The following CCDC14 variants were observed in gnomAD, a reference collection of about 807,000 sequenced individuals.
CCDC14 encodes the protein coiled-coil domain-containing protein 14.
A neutral mutation model predicts 81.4 loss-of-function variants in CCDC14; 71 were observed. That is an observed-to-expected ratio of 0.87 (90% CI 0.72 to 1.06). The LOEUF (loss-of-function observed/expected upper bound fraction) is 1.06, where lower values mean the gene tolerates loss of function less well. CCDC14 is among the 50% of genes least tolerant of loss of function. CCDC14 has a pLI of 0.00. For synonymous variants in CCDC14, 332 were observed against 364.8 expected (o/e 0.91, Z 1.03); for missense variants, 1,046 against 1,047.3 (o/e 1.00, Z 0.02).
At chr3:123,960,336 C>A (rs1330597378) in intron 1 of CCDC14, among the ~76,000 whole-genome samples, 4 of 152,080 alleles carry the variant, frequency 2.6e-5, no homozygotes, top group Admixed American at 2.0e-4. Flanking sequence ...GAGGTGGGAA[C>A]CTAAATTTCA....
intron 5 of CCDC14, among the ~76,000 whole-genome samples, chr3:123,900,497 A>G (rs1185675634): frequency 6.6e-6 from 1 of 152,234 alleles, no homozygotes; most frequent in Non-Finnish European, 1.5e-5. Context: ...AAAGGTGTAT[A>G]TCCACTTTTC....
At chr3:123,905,040 T>C (rs2034277259) in intron 5 of CCDC14, among the ~76,000 whole-genome samples, 1 of 151,912 alleles carries the variant, frequency 6.6e-6, no homozygotes, top group Non-Finnish European at 1.5e-5. Context: ...GACCCACAGA[T>C]AAAGGGGAAC....
chr3:123,960,090 A>C (rs1347005165), intron 1 of CCDC14, among the ~76,000 whole-genome samples: 1 of 152,238 alleles, frequency 6.6e-6, no homozygotes, highest in Non-Finnish European at 1.5e-5. Flanking sequence ...GCTGCTCTCC[A>C]AAAGGAGTGT....
At chr3:123,926,768 A>G (rs1379110479) in intron 12 of CCDC14, among the ~76,000 whole-genome samples, 1 of 152,018 alleles carries the variant, frequency 6.6e-6, no homozygotes, top group Non-Finnish European at 1.5e-5. Context: ...TTTCAGTCCC[A>G]TTACTCCTCC....
At chr3:123,936,103 T>C (rs2036041159) in intron 9 of CCDC14, among the ~76,000 whole-genome samples, 2 of 152,132 alleles carry the variant, frequency 1.3e-5, no homozygotes, top group Non-Finnish European at 2.9e-5. Context: ...CCAAGAAACA[T>C]ATTAAAACTC....
chr3:123,957,416 T>C (rs773441959), intron 1 of CCDC14: 2 of 152,096 alleles, frequency 1.3e-5, no homozygotes, highest in Admixed American at 6.5e-5. Flanking sequence ...ATTCATGATA[T>C]AGGACAGAGT....
intron 9 of CCDC14, among the ~76,000 whole-genome samples, chr3:123,934,523 T>C (rs1283805798): frequency 6.6e-6 from 1 of 152,128 alleles, no homozygotes; most frequent in African/African-American, 2.4e-5. Flanking sequence ...ATGTTTGTCA[T>C]ATGCTGAAAC....
chr3:123,903,538 C>T (rs141131796), intron 5 of CCDC14, among the ~76,000 whole-genome samples: 3 of 152,236 alleles, frequency 2.0e-5, no homozygotes, highest in African/African-American at 7.2e-5. Flanking sequence ...GCAGTAGACA[C>T]ACACATGAGG....
chr3:123,950,036 AAT>A (rs1445548361), intron 5 of CCDC14, among the ~76,000 whole-genome samples: 1 of 152,220 alleles, frequency 6.6e-6, no homozygotes, highest in African/African-American at 2.4e-5. Flanking sequence ...TTAACAAAGT[AAT>A]AAGTAAAAAA....
At chr3:123,943,244 T>C (rs1339259061) in intron 9 of CCDC14, among the ~76,000 whole-genome samples, 1 of 152,058 alleles carries the variant, frequency 6.6e-6, no homozygotes, top group Non-Finnish European at 1.5e-5. Context: ...ACATACCTTT[T>C]ATTAAAATAT....
intron 12 of CCDC14, among the ~76,000 whole-genome samples, chr3:123,918,111 T>A (rs1242720885): frequency 6.6e-6 from 1 of 152,160 alleles, no homozygotes. Context: ...TTCTAAAAAG[T>A]AGTCACACAC....
chr3:123,919,632 A>G (rs971139871), intron 12 of CCDC14, among the ~76,000 whole-genome samples: 4 of 152,200 alleles, frequency 2.6e-5, no homozygotes, highest in African/African-American at 7.2e-5. Context: ...AGTACAGTCA[A>G]TAGCTCCACT....
chr3:123,949,107 T>C lies in CCDC14; in HGVS notation c.378A>G (p.Ile126Met), dbSNP rs201360999. The change falls in exon 6 of 13, where the codon ATA becomes ATG. Residue 126 changes from isoleucine to methionine, a missense_variant. Transcript: ENST00000409697. ...CACTTCTAGCAGAAGCTTCATTAGG[T>C]ATCTGTTTCTTATTATCTGAAGATG... ...ETSSSDNKKQ[I>M]PNEASARSER... The C allele has an allele frequency of 1.6e-4, 250 of 1,605,042 alleles. 1 individual carries two copies. The East Asian group carries it at 4.8e-3, about 31-fold the overall frequency.
At chr3:123,959,012 G>T (rs964438766) in intron 1 of CCDC14, 7 of 152,118 alleles carry the variant, frequency 4.6e-5, no homozygotes, top group African/African-American at 1.7e-4. Context: ...TCCATTGTAT[G>T]TATATACCAT....
At chr3:123,927,020 T>C (rs146181742) in intron 12 of CCDC14, among the ~76,000 whole-genome samples, 71 of 152,264 alleles carry the variant, frequency 4.7e-4, no homozygotes, top group Non-Finnish European at 6.5e-4. Flanking sequence ...TCCTAACCAA[T>C]TGAATTGCAT....
Position 123,913,425 on chromosome 3 carries a change from T to C in CCDC14, c.*1354A>G. On this transcript the variant is annotated 3_prime_UTR_variant, in exon 13 of 13. Transcript: ENST00000409697. Reference sequence around the variant, plus strand: ...TGGGAGTAGACAGATGACACAATTTTTTTCCTTTTTTATTATTTTTTATTT... The same window carrying C: ...TGGGAGTAGACAGATGACACAATTTCTTTCCTTTTTTATTATTTTTTATTT... 1.0e-6 allele frequency: 1 copy of C among 982,588 alleles called. No homozygotes were observed. Among genetic ancestry groups the C allele is most frequent in the Non-Finnish European group, 1.2e-6 (1 of 827,372 alleles). The allele number at this position is 982,588 out of a possible 1,614,324, so 60.9% of individuals were successfully genotyped here.
At chr3:123,890,198 C>T in the CCDC14 span, among the ~76,000 whole-genome samples, 1 of 152,164 alleles carries the variant, frequency 6.6e-6, no homozygotes, top group African/African-American at 2.4e-5. Context: ...CCTCCCACAA[C>T]ACATGGGAAT....
chr3:123,928,634 TCA>T (rs2035524924), intron 12 of CCDC14, among the ~76,000 whole-genome samples: 1 of 152,352 alleles, frequency 6.6e-6, no homozygotes, highest in African/African-American at 2.4e-5. Flanking sequence ...TATGTATGCT[TCA>T]CACATATATA....
At chr3:123,918,915 T>A (rs2034874033) in intron 12 of CCDC14, among the ~76,000 whole-genome samples, 1 of 152,052 alleles carries the variant, frequency 6.6e-6, no homozygotes, top group East Asian at 1.9e-4. Context: ...CAGGGCCGAG[T>A]CCCTACCACT....
Sources: gnomAD v4.1 joint callset for allele counts (sites outside exome capture counted in the v4.1 genomes callset) on GRCh38, gnomAD v4.1.1 for gene constraint, MANE v1.5 for transcripts, NCBI Gene and HGNC (gene_info 2026-07-23, HGNC 2026-07-21) for gene names.